The following TACR1 variants were observed in gnomAD, a reference collection of about 807,000 sequenced individuals.
The protein encoded by TACR1 is tachykinin receptor 1, also known as substance-P receptor.
A neutral mutation model predicts 35.8 loss-of-function variants in TACR1; 25 were observed. The observed-to-expected ratio is 0.70, with a 90% confidence interval of 0.51 to 0.98. The LOEUF (loss-of-function observed/expected upper bound fraction) is 0.98. Among genes scored for constraint, TACR1 ranks in the 50% least tolerant of loss-of-function variants. The probability of loss-of-function intolerance (pLI) is 0.00; values close to 1 mark genes in which losing one functional copy is unlikely to be tolerated. For missense variants in TACR1, 478 were observed against 522.9 expected, an observed-to-expected ratio of 0.91 and a Z score of 0.84; for synonymous variants, 195 against 206.7, an observed-to-expected ratio of 0.94 and a Z score of 0.48.
intron 2 of TACR1, among the ~76,000 whole-genome samples, chr2:75,083,389 G>A (rs1673129374): frequency 6.6e-6 from 1 of 152,174 alleles, no homozygotes; most frequent in African/African-American, 2.4e-5. Context: ...TTTTGGCTTA[G>A]GATTGACTTG....
intron 1 of TACR1, among the ~76,000 whole-genome samples, chr2:75,142,154 A>G (rs1410657185): frequency 4.6e-5 from 7 of 152,174 alleles, no homozygotes. Context: ...ATGAAGCTCA[A>G]TCCTAGAGCC....
At chr2:75,098,855 T>C (rs1484810630) in intron 2 of TACR1, among the ~76,000 whole-genome samples, 1 of 152,204 alleles carries the variant, frequency 6.6e-6, no homozygotes, top group Non-Finnish European at 1.5e-5. Flanking sequence ...CCAGCCTTAA[T>C]AGAACTCTGG....
chr2:75,052,726 C>G (rs1672492188), intron 3 of TACR1, among the ~76,000 whole-genome samples: 1 of 152,016 alleles, frequency 6.6e-6, no homozygotes, highest in Non-Finnish European at 1.5e-5. Context: ...GGTTAAGAAA[C>G]AGATAACAAT....
chr2:75,113,524 T>C (rs1183590640), intron 2 of TACR1, among the ~76,000 whole-genome samples: 1 of 146,310 alleles, frequency 6.8e-6, no homozygotes, highest in Non-Finnish European at 1.5e-5. Context: ...CCTCCTTTTT[T>C]CTTCTTCCTT....
intron 1 of TACR1, among the ~76,000 whole-genome samples, chr2:75,123,393 G>C (rs1040146834): frequency 6.6e-6 from 1 of 152,138 alleles, no homozygotes; most frequent in Non-Finnish European, 1.5e-5. Flanking sequence ...CCCCATGCTC[G>C]AATTGGCGAT....
intron 1 of TACR1, among the ~76,000 whole-genome samples, chr2:75,180,245 C>T (rs1558583649): frequency 6.6e-6 from 1 of 152,130 alleles, no homozygotes; most frequent in Non-Finnish European, 1.5e-5. Flanking sequence ...TAGTTTATTG[C>T]TTGGTGTCTA....
intron 1 of TACR1, among the ~76,000 whole-genome samples, chr2:75,131,443 G>A (rs1674176588): frequency 6.6e-6 from 1 of 152,102 alleles, no homozygotes; most frequent in Non-Finnish European, 1.5e-5. Context: ...TTTTTGGAAG[G>A]TGAAATAATG....
chr2:75,103,653 C>T (rs1673585288), intron 2 of TACR1, among the ~76,000 whole-genome samples: 1 of 152,108 alleles, frequency 6.6e-6, no homozygotes, highest in African/African-American at 2.4e-5. Flanking sequence ...TATGTAGCTA[C>T]TCTGCAGTAA....
intron 2 of TACR1, among the ~76,000 whole-genome samples, chr2:75,091,150 C>T (rs1053659318): frequency 2.1e-5 from 3 of 142,268 alleles, no homozygotes; most frequent in Non-Finnish European, 4.5e-5. Flanking sequence ...CATTATAGTG[C>T]TTCACAGAAC....
chr2:75,175,235 A>G (rs951784222), intron 1 of TACR1, among the ~76,000 whole-genome samples: 1 of 152,142 alleles, frequency 6.6e-6, no homozygotes, highest in African/African-American at 2.4e-5. Flanking sequence ...GGAACGCTAG[A>G]TGTCCTGCAG....
Position 75,190,597 on chromosome 2 carries a change from T to A in TACR1, c.389+7949A>T, listed in dbSNP as rs550957835. On this transcript the variant is annotated intron_variant, in intron 1 of 4. Transcript: ENST00000305249. ...TAGAGGGCATAATATTAATTACTAT[T>A]AATTGGTATTTTAGTGGTATTTAGT... 2.0e-5 allele frequency among the ~76,000 whole-genome samples: 3 copies of A among 152,350 alleles called. No individual in the cohort carries two copies. In the East Asian group the frequency reaches 5.8e-4, roughly 29 times the overall value.
At chr2:75,064,893 GTAAGTTAAGGTTCTTACT>G (rs1672736170) in intron 2 of TACR1, among the ~76,000 whole-genome samples, 1 of 152,202 alleles carries the variant, frequency 6.6e-6, no homozygotes, top group South Asian at 2.1e-4. Flanking sequence ...GCTCCTAGTG[GTAAGTTAAGGTTCTTACT>G]TAGGGTGGAG....
At chr2:75,094,838 CATAT>C (rs770472061) in intron 2 of TACR1, among the ~76,000 whole-genome samples, 8,976 of 119,830 alleles carry the variant, frequency 0.075, 728 homozygotes, top group East Asian at 0.24. Context: ...GAAGCAGAAA[CATAT>C]ATATATATAT....
Position 75,120,148 on chromosome 2 carries a change from C to T in TACR1, c.584+426G>A, listed in dbSNP as rs115138084. 1.7e-3 allele frequency among the ~76,000 whole-genome samples: 261 copies of T among 152,248 alleles called. 1 individual carries two copies. Among genetic ancestry groups the T allele is most frequent in the African/African-American group, 5.7e-3 (237 of 41,556 alleles). ...AAGAATGGCTACTCCATAGACAGAG[C>T]AGCCCCTCAATCATTGTTGAGAGCT... On this transcript the variant is annotated intron_variant, in intron 2 of 4. Transcript: ENST00000305249.
chr2:75,100,133 G>C (rs1367172856), intron 2 of TACR1, among the ~76,000 whole-genome samples: 1 of 152,024 alleles, frequency 6.6e-6, no homozygotes, highest in Non-Finnish European at 1.5e-5. Context: ...AGTTTTTTCA[G>C]AGAGGCAGGA....
At chr2:75,139,161 T>G (rs1301066707) in intron 1 of TACR1, among the ~76,000 whole-genome samples, 1 of 152,224 alleles carries the variant, frequency 6.6e-6, no homozygotes, top group Non-Finnish European at 1.5e-5. Flanking sequence ...ATATAGGATA[T>G]TTAACCAATG....
rs544594191 is a variant in TACR1, at chr2:75,063,989, T to C, written c.585-10234A>G. Among the ~76,000 whole-genome samples the C allele has an allele frequency of 3.9e-5, 6 of 152,248 alleles. No homozygotes were observed. The South Asian group carries it at 1.2e-3, about 32-fold the overall frequency. On this transcript the variant is annotated intron_variant, in intron 2 of 4. Coordinates refer to ENST00000305249, the MANE Select transcript of TACR1 (RefSeq NM_001058.4). ...GATCAGGTTGTAAATCCACTGGCCC[T>C]TCCCAGCATGACATGCATGATGAAG... is the stretch of plus-strand genomic sequence containing the variant.
intron 1 of TACR1, among the ~76,000 whole-genome samples, chr2:75,137,750 A>G (rs1439202706): frequency 5.4e-5 from 8 of 149,394 alleles, no homozygotes; most frequent in Admixed American, 1.3e-4. Flanking sequence ...AAAAAAAAAA[A>G]AAAAAAGAAA....
intron 1 of TACR1, among the ~76,000 whole-genome samples, chr2:75,165,588 G>A (rs543664132): frequency 2.0e-5 from 3 of 150,038 alleles, no homozygotes; most frequent in East Asian, 4.0e-4. Context: ...GATTACAGGC[G>A]GGAGCCACTG....
Sources: gnomAD v4.1 joint callset for allele counts (sites outside exome capture counted in the v4.1 genomes callset) on GRCh38, gnomAD v4.1.1 for gene constraint, MANE v1.5 for transcripts, NCBI Gene and HGNC (gene_info 2026-07-23, HGNC 2026-07-21) for gene names.